Variants in PPP2R2B observed in about 807,000 individuals in gnomAD.
PPP2R2B encodes the protein serine/threonine-protein phosphatase 2A 55 kDa regulatory subunit B beta isoform.
In PPP2R2B, 5 loss-of-function variants were observed where a neutral mutation model predicts 46.0. The observed-to-expected ratio is 0.11, with a 90% CI of 0.06 to 0.23. The LOEUF is 0.23. Among genes scored for constraint, PPP2R2B ranks in the 10% least tolerant of loss-of-function variants. PPP2R2B has a pLI of 1.00. For missense variants in PPP2R2B, 367 were observed against 575.0 expected (o/e 0.64, Z 3.70); for synonymous variants, 215 against 206.7 (o/e 1.04, Z -0.34).
intron 1 of PPP2R2B, among the ~76,000 whole-genome samples, chr5:146,895,426 A>AAAG (rs1158268314): frequency 1.3e-5 from 2 of 152,206 alleles, no homozygotes; most frequent in African/African-American, 2.4e-5. Flanking sequence ...TAAGCTCATG[A>AAAG]AAGAATCATG....
intron 5 of PPP2R2B, among the ~76,000 whole-genome samples, chr5:146,675,948 T>A (rs749086225): frequency 6.6e-6 from 1 of 152,004 alleles, no homozygotes; most frequent in Non-Finnish European, 1.5e-5. Context: ...CGGAAGCTTA[T>A]CTTTTCCTTT....
At chr5:146,713,961 T>C (rs1780344378) in intron 2 of PPP2R2B, among the ~76,000 whole-genome samples, 1 of 152,058 alleles carries the variant, frequency 6.6e-6, no homozygotes, top group South Asian at 2.1e-4. Context: ...TGGGAGTTAT[T>C]AGCATTCAGA....
chr5:146,608,526 G>A (rs1202184721), intron 7 of PPP2R2B, among the ~76,000 whole-genome samples: 1 of 151,988 alleles, frequency 6.6e-6, no homozygotes, highest in Non-Finnish European at 1.5e-5. Context: ...GACAGGCATG[G>A]TGGCTCACAC....
intron 1 of PPP2R2B, among the ~76,000 whole-genome samples, chr5:147,035,623 A>C (rs1480944209): frequency 1.3e-5 from 2 of 152,206 alleles, no homozygotes; most frequent in Non-Finnish European, 1.5e-5. Flanking sequence ...CTGTTATCCA[A>C]GAAACAAAAT....
chr5:146,626,813 G>A (rs950388931), intron 7 of PPP2R2B, among the ~76,000 whole-genome samples: 17 of 152,140 alleles, frequency 1.1e-4, no homozygotes, highest in Admixed American at 9.8e-4. Context: ...GTGAGGGAGA[G>A]GGCAAGACCT....
intron 1 of PPP2R2B, among the ~76,000 whole-genome samples, chr5:146,934,437 G>A (rs950344415): frequency 5.3e-5 from 8 of 151,656 alleles, no homozygotes; most frequent in Non-Finnish European, 8.8e-5. Flanking sequence ...GGCCAGTGAT[G>A]ATAAGCATTT....
intron 2 of PPP2R2B, among the ~76,000 whole-genome samples, chr5:146,855,397 T>C (rs2151386773): frequency 6.6e-6 from 1 of 152,300 alleles, no homozygotes; most frequent in South Asian, 2.1e-4. Flanking sequence ...ATTGCATAGT[T>C]CCCTTAGGAC....
At chr5:147,011,089 C>A (rs1165781398) in intron 1 of PPP2R2B, among the ~76,000 whole-genome samples, 1 of 152,154 alleles carries the variant, frequency 6.6e-6, no homozygotes, top group Non-Finnish European at 1.5e-5. Flanking sequence ...GACTACTGCC[C>A]CTTCTTCAGC....
At chr5:146,801,013 T>C (rs1468695679) in intron 2 of PPP2R2B, among the ~76,000 whole-genome samples, 1 of 152,004 alleles carries the variant, frequency 6.6e-6, no homozygotes, top group African/African-American at 2.4e-5. Flanking sequence ...AGGAAGGAAA[T>C]CCTGGCATTT....
chr5:146,966,259 T>A (rs903742228), intron 1 of PPP2R2B, among the ~76,000 whole-genome samples: 1 of 152,188 alleles, frequency 6.6e-6, no homozygotes, highest in Non-Finnish European at 1.5e-5. Flanking sequence ...ATTGGTCACA[T>A]GCAGGTAAGG....
chr5:146,837,806 G>A (rs1021740093), intron 2 of PPP2R2B, among the ~76,000 whole-genome samples: 2 of 152,146 alleles, frequency 1.3e-5, no homozygotes, highest in African/African-American at 4.8e-5. Flanking sequence ...TCTTCTGATG[G>A]CTATCTTGTC....
Position 146,590,172 on chromosome 5 carries a change from G to C in PPP2R2B, c.1107C>G (p.Thr369=). ...NNFFRMFDRN[T]KRDVTLEASR... ...AAGCCTCAAGGGTCACATCACGCTT[G>C]GTGTTTCTGTCGAACATCCTGAAGA... The change falls in exon 10 of 10, where the codon ACC becomes ACG. Residue 369 remains threonine (T), a synonymous_variant. Coordinates refer to ENST00000394411, the MANE Select transcript of PPP2R2B (RefSeq NM_181675.4). 6.2e-7 allele frequency: 1 copy of C among 1,613,782 alleles called. No homozygotes were observed. The highest frequency in any genetic ancestry group is 8.5e-7 in the Non-Finnish European group (1 of 1,179,992).
intron 1 of PPP2R2B, among the ~76,000 whole-genome samples, chr5:147,019,572 T>C (rs1206130714): frequency 1.3e-5 from 2 of 152,048 alleles, no homozygotes; most frequent in Non-Finnish European, 2.9e-5. Flanking sequence ...CAAATAGTTT[T>C]ACTTTGTTTT....
rs77651511 is a variant in PPP2R2B, at chr5:146,826,128, G to A, written c.70+51874C>T. Among the ~76,000 whole-genome samples, 383 of 152,136 alleles carry A rather than the reference G, an allele frequency of 2.5e-3. 1 individual carries two copies. Among genetic ancestry groups the A allele is most frequent in the African/African-American group, 8.5e-3 (354 of 41,496 alleles). ...GGCTCATCATCATTGCCACTTCCTC[G>A]GTACTTGGCATTTCTTTTTTAAAAA... On this transcript the variant is annotated intron_variant, in intron 2 of 9. Coordinates refer to ENST00000394411, the MANE Select transcript of PPP2R2B (RefSeq NM_181675.4).
At chr5:146,840,394 T>A (rs748532413) in intron 2 of PPP2R2B, among the ~76,000 whole-genome samples, 6 of 152,202 alleles carry the variant, frequency 3.9e-5, no homozygotes, top group Middle Eastern at 3.2e-3. Context: ...AAATGACATA[T>A]CTAAAGTTAT....
intron 5 of PPP2R2B, among the ~76,000 whole-genome samples, chr5:146,677,612 C>T (rs113098407): frequency 4.7e-4 from 69 of 148,200 alleles, no homozygotes; most frequent in African/African-American, 1.6e-3. Flanking sequence ...GATCTCGGCT[C>T]ACTGCACCAG....
chr5:146,690,815 C>T (rs77956969), intron 5 of PPP2R2B, among the ~76,000 whole-genome samples: 1 of 152,200 alleles, frequency 6.6e-6, no homozygotes, highest in African/African-American at 2.4e-5. Flanking sequence ...CCTGTACCTT[C>T]AGTACAGAAG....
At chr5:147,005,898 A>T (rs1031054603) in intron 1 of PPP2R2B, among the ~76,000 whole-genome samples, 1 of 152,178 alleles carries the variant, frequency 6.6e-6, no homozygotes, top group Admixed American at 6.6e-5. Context: ...CCTATAATTG[A>T]TAATTGAGGG....
At chr5:146,634,371 G>C (rs1774653448) in intron 7 of PPP2R2B, among the ~76,000 whole-genome samples, 3 of 152,088 alleles carry the variant, frequency 2.0e-5, no homozygotes, top group Admixed American at 2.0e-4. Context: ...GTCTTGCTCT[G>C]TCGCCAAGGC....
Sources: gnomAD v4.1 joint callset for allele counts (sites outside exome capture counted in the v4.1 genomes callset) on GRCh38, gnomAD v4.1.1 for gene constraint, MANE v1.5 for transcripts, NCBI Gene and HGNC (gene_info 2026-07-23, HGNC 2026-07-21) for gene names.